The following DVL3 variants were observed in gnomAD, a reference collection of about 807,000 sequenced individuals.
DVL3 encodes dishevelled segment polarity protein 3, also known as segment polarity protein dishevelled homolog DVL-3.
DVL3 carries 27 observed loss-of-function variants against 67.4 expected under a neutral mutation model. The ratio of observed to expected loss-of-function variants is 0.40; its 90% CI spans 0.30 to 0.55. The LOEUF (loss-of-function observed/expected upper bound fraction) is 0.55. DVL3 is among the 20% of genes least tolerant of loss of function. The probability of loss-of-function intolerance (pLI) is 0.46; values close to 1 mark genes in which losing one functional copy is unlikely to be tolerated. For synonymous variants in DVL3, 369 were observed against 396.8 expected (o/e 0.93, Z 0.83); for missense variants, 819 against 1,021.5 (o/e 0.80, Z 2.70).
chr3:184,155,527 C>T lies in DVL3; in HGVS notation c.-109C>T. 1.4e-6 allele frequency: 1 copy of T among 696,566 alleles called. No homozygotes were observed. 43.1% of individuals were successfully genotyped at this position (696,566 alleles called of 1,614,324 possible). A position where few individuals can be genotyped will look rare whatever the true frequency, so the allele number is the denominator to read the frequency against. ...GGGAGCTGGCGCCGCCAGCAGCCGC[C>T]GAGCTGGGTTGAGCCGCTGGGCCGC... On this transcript the variant is annotated 5_prime_UTR_variant, in exon 1 of 15. Coordinates refer to ENST00000313143, the MANE Select transcript of DVL3 (RefSeq NM_004423.4). The surrounding 1 kb of genome is among the most constrained non-coding windows in gnomAD (Gnocchi z 5.4).
Position 184,163,677 on chromosome 3 carries a change from C to T in DVL3, c.182C>T (p.Ser61Leu), listed in dbSNP as rs143411607. 5.0e-6 allele frequency: 8 copies of T among 1,613,926 alleles called. No individual in the cohort carries two copies. The highest frequency in any genetic ancestry group is 2.2e-5 in the East Asian group (1 of 44,862). Residue 61 changes from serine (S) to leucine (L), a missense_variant, in exon 2 of 15, where the codon TCG becomes TTG. Ser to Leu is a moderately radical substitution (Grantham distance 145, BLOSUM62 -2). Coordinates refer to ENST00000313143, the MANE Select transcript of DVL3 (RefSeq NM_004423.4). The surrounding 1 kb of genome is among the most constrained non-coding windows in gnomAD (Gnocchi z 4.5). ...TGCAGAGTGGTGAAGGAGGAGATCT[C>T]GGATGACAATGCCAAGCTACCATGC... ...DDFGVVKEEI[S>L]DDNAKLPCFN...
At position 184,165,343 on chromosome 3, in the gene DVL3, G is replaced by A. The variant is rs1378112282; in HGVS notation, c.694-79G>A. ...CCTTGGGGCTGGGGGCTGCACCGGG[G>A]ACTCACCTTGAGGAGGAGTCAGGTG... On this transcript the variant is annotated intron_variant, in intron 6 of 14. Transcript: ENST00000313143. This position sits in a 1 kb window ranked among gnomAD's most constrained non-coding sequence, Gnocchi z 4.1. 2.6e-6 allele frequency: 4 copies of A among 1,554,638 alleles called. No homozygotes were observed. The highest frequency in any genetic ancestry group is 2.3e-5 in the South Asian group (2 of 88,638).
In DVL3 at chr3:184,166,718, A is replaced by G. The variant is rs1012678519; in HGVS notation, c.1048+45A>G. 1.2e-6 allele frequency: 2 copies of G among 1,611,862 alleles called. No homozygotes were observed. The highest frequency in any genetic ancestry group is 1.3e-5 in the African/African-American group (1 of 74,960). The stretch of plus-strand genomic sequence containing the variant: ...AGTCCTAAAGCTGGTGCTTACATAC[A>G]TGAGCACTGTCTCTCCTTTCTTCTC... On this transcript the variant is annotated intron_variant, in intron 10 of 14. Coordinates refer to ENST00000313143, the MANE Select transcript of DVL3 (RefSeq NM_004423.4). This position sits in a 1 kb window ranked among gnomAD's most constrained non-coding sequence, Gnocchi z 6.7.
In DVL3 at chr3:184,163,867, C is replaced by T. The variant is rs1029178121; in HGVS notation, c.231+141C>T. On this transcript the variant is annotated intron_variant, in intron 2 of 14. Coordinates refer to ENST00000313143, the MANE Select transcript of DVL3 (RefSeq NM_004423.4). This position sits in a 1 kb window ranked among gnomAD's most constrained non-coding sequence, Gnocchi z 4.5. ...AGTTTTGCAAATGAACTGCTTCTCACCCCAGATTCTGTAACCTTTGATGAA... is the reference window on the plus strand; with the variant it reads ...AGTTTTGCAAATGAACTGCTTCTCATCCCAGATTCTGTAACCTTTGATGAA... 3.4e-5 allele frequency: 25 copies of T among 726,542 alleles called. No individual in the cohort carries two copies. The East Asian group carries it at 6.3e-4, about 18-fold the overall frequency. The allele number at this position is 726,542 out of a possible 1,614,324, so 45.0% of individuals were successfully genotyped here.
rs765686256 is a variant in DVL3, at chr3:184,171,123, T to A, written c.*368T>A. 620 of 1,196,520 alleles carry A rather than the reference T, an allele frequency of 5.2e-4. 1 individual carries two copies. Among genetic ancestry groups the A allele is most frequent in the Non-Finnish European group, 5.7e-4 (543 of 953,212 alleles). 74.1% of individuals were successfully genotyped at this position (1,196,520 alleles called of 1,614,324 possible). On this transcript the variant is annotated 3_prime_UTR_variant, in exon 15 of 15. Coordinates refer to ENST00000313143, the MANE Select transcript of DVL3 (RefSeq NM_004423.4). ...TGGTGGCACGCTCACTCCCTCATTC[T>A]CTCGTTTCCCCTTTAGCTCCCTTTC...
In DVL3 at chr3:184,166,880, T is replaced by C. The variant is rs753263750; in HGVS notation, c.1103T>C (p.Met368Thr). 19 of 1,613,994 alleles carry C rather than the reference T, an allele frequency of 1.2e-5. No homozygotes were observed. The highest frequency in any genetic ancestry group is 2.2e-5 in the South Asian group (2 of 91,078). Reference protein sequence around the residue: ...PAAWVSHTAAMTGTFPAYGMS... With the variant: ...PAAWVSHTAATTGTFPAYGMS... ...GCCTGGGTCTCCCACACTGCAGCCA[T>C]GACCGGCACCTTCCCTGCATACGGC... Residue 368 changes from methionine (M) to threonine (T), a missense_variant, in exon 11 of 15, where the codon ATG becomes ACG. By Grantham distance (81) the Met-to-Thr change is moderately conservative. Around this residue, in one of 3 missense-constraint regions of DVL3, gnomAD observed 110 missense variants for 203.4 expected, o/e 0.54. Transcript: ENST00000313143. The surrounding 1 kb of genome is among the most constrained non-coding windows in gnomAD (Gnocchi z 6.7).
At chr3:184,156,554 T>C (rs1189099651) in intron 1 of DVL3, 2 of 443,772 alleles carry the variant, frequency 4.5e-6, no homozygotes, top group African/African-American at 4.0e-5. Flanking sequence ...AAGAGTTTCT[T>C]GGTGTTCTCT....
Position 184,166,236 on chromosome 3 carries a change from C to G in DVL3, c.874C>G (p.Arg292Gly). ...MKGGAVAADG[R>G]IEPGDMLLQV... ...GGGTGGGGCCGTGGCTGCTGATGGA[C>G]GCATCGAGCCAGGAGATATGTTGTT... is the stretch of plus-strand genomic sequence containing the variant. Residue 292 changes from arginine (R) to glycine (G), a missense_variant, in exon 8 of 15, where the codon CGC becomes GGC. By Grantham distance (125) the Arg-to-Gly change is moderately radical. Around this residue, in one of 3 missense-constraint regions of DVL3, gnomAD observed 385 missense variants for 486.8 expected, o/e 0.79. Transcript: ENST00000313143. This position sits in a 1 kb window ranked among gnomAD's most constrained non-coding sequence, Gnocchi z 6.7. 1.2e-6 allele frequency: 2 copies of G among 1,612,974 alleles called. No individual in the cohort carries two copies. The highest frequency in any genetic ancestry group is 1.7e-6 in the Non-Finnish European group (2 of 1,179,716).
chr3:184,171,262 C>A lies in DVL3; in HGVS notation c.*507C>A, dbSNP rs1334546323. The A allele has an allele frequency of 1.1e-5, 12 of 1,049,694 alleles. No homozygotes were observed. The highest frequency in any genetic ancestry group is 1.4e-5 in the Non-Finnish European group (12 of 870,234). 65.0% of individuals were successfully genotyped at this position (1,049,694 alleles called of 1,614,324 possible). On this transcript the variant is annotated 3_prime_UTR_variant, in exon 15 of 15. Transcript: ENST00000313143. ...ACCAAAATATATTTGCTTCATCTGC[C>A]CCTACTAACCATCCCCCTGCCTGCT...
Position 184,170,072 on chromosome 3 carries a change from C to G in DVL3, c.1565C>G (p.Ala522Gly). ...SSGASDQDTLAPLPHPGAAPW... is the reference protein window; with the variant it reads ...SSGASDQDTLGPLPHPGAAPW... ...GGCGCCTCTGACCAGGACACACTGGCCCCTTTGCCGCACCCGGGGGCCGCC... is the reference window on the plus strand; with the variant it reads ...GGCGCCTCTGACCAGGACACACTGGGCCCTTTGCCGCACCCGGGGGCCGCC... Residue 522 changes from alanine to glycine, a missense_variant, in exon 14 of 15, where the codon GCC (alanine) becomes GGC (glycine). Coordinates refer to ENST00000313143, the MANE Select transcript of DVL3 (RefSeq NM_004423.4). This position sits in a 1 kb window ranked among gnomAD's most constrained non-coding sequence, Gnocchi z 6.5. The G allele has an allele frequency of 1.2e-6, 2 of 1,613,926 alleles. No individual in the cohort carries two copies. The highest frequency in any genetic ancestry group is 2.2e-5 in the South Asian group (2 of 91,042).
rs1349956202 is a variant in DVL3 at position 184,166,312 on chromosome 3, G to A, written c.903+47G>A. On this transcript the variant is annotated intron_variant, in intron 8 of 14. Coordinates refer to ENST00000313143, the MANE Select transcript of DVL3 (RefSeq NM_004423.4). The surrounding 1 kb of genome is among the most constrained non-coding windows in gnomAD (Gnocchi z 6.7). ...GGTGGTGTGGATAGAGGGCAGGGAGGTGTCCTACCATCTGTACCCTGCTCC... is the reference window on the plus strand; with the variant it reads ...GGTGGTGTGGATAGAGGGCAGGGAGATGTCCTACCATCTGTACCCTGCTCC... The A allele has an allele frequency of 3.7e-6, 6 of 1,606,626 alleles. No homozygotes were observed. In the Admixed American group the frequency reaches 1.0e-4, roughly 27 times the overall value.
intron 13 of DVL3, 136 bp from the exon 14 acceptor site, chr3:184,169,870 G>A (rs576769327): frequency 4.4e-4 from 343 of 771,210 alleles, no homozygotes; most frequent in South Asian, 1.8e-3. Flanking sequence ...CTGCAGAAGG[G>A]GGGAGCTCTC....
In DVL3 at chr3:184,167,347, G is replaced by A. The variant is rs537241920; in HGVS notation, c.1199-233G>A. Among the ~76,000 whole-genome samples, 67 of 152,210 alleles carry A rather than the reference G, an allele frequency of 4.4e-4. No homozygotes were observed. Among genetic ancestry groups the A allele is most frequent in the African/African-American group, 1.0e-3 (42 of 41,522 alleles). On this transcript the variant is annotated intron_variant, in intron 11 of 14. Transcript: ENST00000313143. The surrounding 1 kb of genome is among the most constrained non-coding windows in gnomAD (Gnocchi z 4.6). ...TTTCGATTATCATCACATGCACATC[G>A]TACACTGGCCAAGCACCTGCATTTA...
chr3:184,166,891 T>C lies in DVL3; in HGVS notation c.1114T>C (p.Phe372Leu). 6.2e-7 allele frequency: 1 copy of C among 1,614,126 alleles called. No individual in the cohort carries two copies. The highest frequency in any genetic ancestry group is 1.1e-5 in the South Asian group (1 of 91,084). Residue 372 changes from phenylalanine to leucine, a missense_variant, in exon 11 of 15, where the codon TTC becomes CTC. This residue lies in a region of DVL3 where 110 missense variants were observed against 203.4 expected (regional missense o/e 0.54). Transcript: ENST00000313143. The surrounding 1 kb of genome is among the most constrained non-coding windows in gnomAD (Gnocchi z 6.7). The stretch of plus-strand genomic sequence containing the variant: ...CCACACTGCAGCCATGACCGGCACC[T>C]TCCCTGCATACGGCATGAGCCCCTC... The part of the protein sequence containing the change: ...VSHTAAMTGT[F>L]PAYGMSPSLS...
chr3:184,171,423 T>G lies in DVL3; in HGVS notation c.*668T>G, dbSNP rs928541263. On this transcript the variant is annotated 3_prime_UTR_variant, in exon 15 of 15. Transcript: ENST00000313143. ...GGTGGCTTCCAGGGAGCATCTCTGC[T>G]CTACCCCTGCCCCATGCCTGCCCTG... 10 of 993,492 alleles carry G rather than the reference T, an allele frequency of 1.0e-5. No individual in the cohort carries two copies. Among genetic ancestry groups the G allele is most frequent in the Non-Finnish European group, 1.2e-5 (10 of 835,664 alleles). 61.5% of individuals were successfully genotyped at this position (993,492 alleles called of 1,614,324 possible).
chr3:184,170,625 C>T lies in DVL3; in HGVS notation c.2021C>T (p.Ala674Val). Residue 674 changes from alanine (A) to valine (V), a missense_variant, in exon 15 of 15, where the codon GCG (alanine) becomes GTG (valine). Ala to Val is a moderately conservative substitution (Grantham distance 64, BLOSUM62 0). Transcript: ENST00000313143. The surrounding 1 kb of genome is among the most constrained non-coding windows in gnomAD (Gnocchi z 6.5). ...PPMLMMPPPP[A>V]AMGPPGAPPG... ...ATGCTGATGATGCCCCCGCCGCCCG[C>T]GGCCATGGGGCCCCCAGGAGCCCCT... The T allele has an allele frequency of 6.2e-7, 1 of 1,608,750 alleles. No homozygotes were observed. Among genetic ancestry groups the T allele is most frequent in the Non-Finnish European group, 8.5e-7 (1 of 1,177,014 alleles).
Position 184,166,169 on chromosome 3 carries a change from C to T in DVL3, c.807C>T (p.Asn269=), listed in dbSNP as rs138011240. 135 of 1,613,688 alleles carry T rather than the reference C, an allele frequency of 8.4e-5. 1 individual carries two copies. The African/African-American group carries it at 1.4e-3, about 17-fold the overall frequency. The change falls in exon 8 of 15, where the codon AAC becomes AAT. Residue 269 remains asparagine (N), a synonymous_variant. Transcript: ENST00000313143. The surrounding 1 kb of genome is among the most constrained non-coding windows in gnomAD (Gnocchi z 6.7). ...GCATCTCCATTGTGGGCCAAAGCAA[C>T]GAGCGTGGTGACGGCGGCATCTACA... ...FLGISIVGQS[N]ERGDGGIYIG...
chr3:184,164,136 C>A lies in DVL3; in HGVS notation c.232-131C>A. ...ACTGTTCATCTCAGCCACCCTCGCA[C>A]AGCCCTGTCTTTTCTCCCTCGATAT... On this transcript the variant is annotated intron_variant, in intron 2 of 14. Coordinates refer to ENST00000313143, the MANE Select transcript of DVL3 (RefSeq NM_004423.4). The surrounding 1 kb of genome is among the most constrained non-coding windows in gnomAD (Gnocchi z 5.3). 8.7e-7 allele frequency: 1 copy of A among 1,149,986 alleles called. No homozygotes were observed. Among genetic ancestry groups the A allele is most frequent in the Non-Finnish European group, 1.3e-6 (1 of 796,928 alleles). The allele number at this position is 1,149,986 out of a possible 1,614,324, so 71.2% of individuals were successfully genotyped here. A position where few individuals can be genotyped will look rare whatever the true frequency, so the allele number is the denominator to read the frequency against.
At chr3:184,160,914 T>G (rs936729246) in intron 1 of DVL3, among the ~76,000 whole-genome samples, 4 of 152,152 alleles carry the variant, frequency 2.6e-5, no homozygotes, top group African/African-American at 9.7e-5. Flanking sequence ...TGTCCCTTCT[T>G]TCTAGCCTGT....
Sources: gnomAD v4.1 joint callset for allele counts (sites outside exome capture counted in the v4.1 genomes callset) on GRCh38, gnomAD v4.1.1 for gene constraint, gnomAD v4.1.1 regional missense constraint, Gnocchi (gnomAD v3.1) non-coding constraint, MANE v1.5 for transcripts, NCBI Gene and HGNC (gene_info 2026-07-23, HGNC 2026-07-21) for gene names.